Variants in CCDC85C observed in about 807,000 individuals in gnomAD.
The protein encoded by CCDC85C is coiled-coil domain-containing protein 85C.
In CCDC85C, 18 loss-of-function variants were observed where a neutral mutation model predicts 38.3. The observed-to-expected ratio is 0.47, with a 90% CI of 0.33 to 0.70. CCDC85C has a LOEUF of 0.70. Among genes scored for constraint, CCDC85C ranks in the 30% least tolerant of loss-of-function variants. The pLI is 0.03. For synonymous variants in CCDC85C, 264 were observed against 293.8 expected, an observed-to-expected ratio of 0.90 and a Z score of 1.04; for missense variants, 566 against 621.2, an observed-to-expected ratio of 0.91 and a Z score of 0.94.
At chr14:99,593,928 C>T (rs2055116061) in intron 1 of CCDC85C, among the ~76,000 whole-genome samples, 1 of 144,634 alleles carries the variant, frequency 6.9e-6, no homozygotes, top group Non-Finnish European at 1.5e-5. Flanking sequence ...CTGGTGAAAG[C>T]CAAAAGGTAT....
intron 1 of CCDC85C, among the ~76,000 whole-genome samples, chr14:99,592,556 A>T (rs903666494): frequency 6.6e-6 from 1 of 152,338 alleles, no homozygotes; most frequent in South Asian, 2.1e-4. Flanking sequence ...AGACAATCCC[A>T]GGGGGAAATC....
chr14:99,586,828 C>A lies in CCDC85C; in HGVS notation c.793+16339G>T, dbSNP rs373809574. 1.8e-4 allele frequency among the ~76,000 whole-genome samples: 28 copies of A among 152,256 alleles called. No individual in the cohort carries two copies. In the East Asian group the frequency reaches 4.1e-3, roughly 22 times the overall value. On this transcript the variant is annotated intron_variant, in intron 1 of 5. Coordinates refer to ENST00000380243, the MANE Select transcript of CCDC85C (RefSeq NM_001144995.2). ...CCACCCTATGCCTGCCACTGTCCAT[C>A]AAGGCCCCCCGGCCAGAGGAAAGCC...
intron 1 of CCDC85C, among the ~76,000 whole-genome samples, chr14:99,560,311 C>T (rs1318473877): frequency 6.6e-6 from 1 of 152,220 alleles, no homozygotes; most frequent in African/African-American, 2.4e-5. Flanking sequence ...GTGGGAGGGT[C>T]TGGGCCGGGA....
intron 1 of CCDC85C, among the ~76,000 whole-genome samples, chr14:99,567,249 CA>C (rs1898233615): frequency 6.6e-6 from 1 of 152,180 alleles, no homozygotes; most frequent in Non-Finnish European, 1.5e-5. Flanking sequence ...TCGCTCCAGC[CA>C]GGCACGGTCT....
chr14:99,533,895 G>T lies in CCDC85C; in HGVS notation c.867+2120C>A, dbSNP rs751126562. 6.6e-6 allele frequency among the ~76,000 whole-genome samples: 1 copy of T among 152,260 alleles called. No individual in the cohort carries two copies. Among genetic ancestry groups the T allele is most frequent in the Non-Finnish European group, 1.5e-5 (1 of 68,044 alleles). On this transcript the variant is annotated intron_variant, in intron 2 of 5. Coordinates refer to ENST00000380243, the MANE Select transcript of CCDC85C (RefSeq NM_001144995.2). The surrounding 1 kb of genome is among the most constrained non-coding windows in gnomAD (Gnocchi z 4.2). ...AAGAAGGGCTGCTCCTCCACAGCCC[G>T]CTTGGGCGCAGGTTTTCTGCAAGTC...
At position 99,564,441 on chromosome 14, in the gene CCDC85C, G is replaced by A. The variant is rs151082600; in HGVS notation, c.794-28353C>T. On this transcript the variant is annotated intron_variant, in intron 1 of 5. Coordinates refer to ENST00000380243, the MANE Select transcript of CCDC85C (RefSeq NM_001144995.2). Reference sequence around the variant, plus strand: ...TTAGGGTTTTGGTCAGCAGGAGCACGTCCGCACTTTTCTGAAGCCTCCTCC... The same window carrying A: ...TTAGGGTTTTGGTCAGCAGGAGCACATCCGCACTTTTCTGAAGCCTCCTCC... Among the ~76,000 whole-genome samples the A allele has an allele frequency of 1.0e-3, 158 of 152,338 alleles. 1 individual carries two copies. The highest frequency in any genetic ancestry group is 3.6e-3 in the African/African-American group (148 of 41,588).
chr14:99,559,935 A>T (rs1444797421), intron 1 of CCDC85C, among the ~76,000 whole-genome samples: 3 of 151,948 alleles, frequency 2.0e-5, no homozygotes, highest in Non-Finnish European at 4.4e-5. Context: ...ACTGGGTTGC[A>T]TGGGTCTGGG....
intron 2 of CCDC85C, among the ~76,000 whole-genome samples, chr14:99,527,111 G>T (rs1196421182): frequency 6.6e-6 from 1 of 152,250 alleles, no homozygotes; most frequent in African/African-American, 2.4e-5. Context: ...CACGGGAACT[G>T]CACCAGAGTT....
rs371886834 is a variant in CCDC85C, at chr14:99,570,522, C to T, written c.793+32645G>A. Among the ~76,000 whole-genome samples the T allele has an allele frequency of 2.9e-3, 448 of 152,188 alleles. 1 individual carries two copies. The highest frequency in any genetic ancestry group is 9.9e-3 in the African/African-American group (410 of 41,532). ...AGGCAGAGCCCAGACGGCAGGGGCT[C>T]GGGGCTGGGCCTCGGATGCTTCTTT... On this transcript the variant is annotated intron_variant, in intron 1 of 5. Coordinates refer to ENST00000380243, the MANE Select transcript of CCDC85C (RefSeq NM_001144995.2).
intron 1 of CCDC85C, among the ~76,000 whole-genome samples, chr14:99,564,922 G>A (rs1898185758): frequency 6.6e-6 from 1 of 152,222 alleles, no homozygotes; most frequent in South Asian, 2.1e-4. Context: ...ACTGGAGAAC[G>A]TGCACTCGTC....
rs1359888397 is a variant in CCDC85C at position 99,572,231 on chromosome 14, T to TG, written c.793+30935dup. Among the ~76,000 whole-genome samples the TG allele has an allele frequency of 1.3e-5, 2 of 152,154 alleles. No individual in the cohort carries two copies. Among genetic ancestry groups the TG allele is most frequent in the Admixed American group, 6.5e-5 (1 of 15,290 alleles). Reference sequence around the variant, plus strand: ...CCCTGGCCCCAGCAGCGTTAGTGAATGGCCAGGCTGTGGCCCTCCCCGAGA... The same window carrying TG: ...CCCTGGCCCCAGCAGCGTTAGTGAATGGGCCAGGCTGTGGCCCTCCCCGAGA... On this transcript the variant is annotated intron_variant, in intron 1 of 5. Transcript: ENST00000380243. The surrounding 1 kb of genome is among the most constrained non-coding windows in gnomAD (Gnocchi z 4.4).
chr14:99,581,580 C>G (rs1351495906), intron 1 of CCDC85C, among the ~76,000 whole-genome samples: 1 of 152,252 alleles, frequency 6.6e-6, no homozygotes, highest in Non-Finnish European at 1.5e-5. Flanking sequence ...GGCCACCGCA[C>G]AATCGCTCCC....
At chr14:99,538,981 G>A (rs1428736760) in intron 1 of CCDC85C, among the ~76,000 whole-genome samples, 1 of 152,150 alleles carries the variant, frequency 6.6e-6, no homozygotes, top group Non-Finnish European at 1.5e-5. Flanking sequence ...CACACCCACG[G>A]CCCCAGACCA....
intron 1 of CCDC85C, among the ~76,000 whole-genome samples, chr14:99,593,176 T>G (rs1290648943): frequency 2.0e-5 from 3 of 152,200 alleles, no homozygotes; most frequent in Non-Finnish European, 2.9e-5. Context: ...ATCGGGCCCT[T>G]GTGGCGGGCG....
At chr14:99,596,333 T>C (rs2055142842) in intron 1 of CCDC85C, among the ~76,000 whole-genome samples, 1 of 152,206 alleles carries the variant, frequency 6.6e-6, no homozygotes, top group African/African-American at 2.4e-5. Context: ...AATGGCAGAA[T>C]GTCTCTGCCG....
intron 1 of CCDC85C, among the ~76,000 whole-genome samples, chr14:99,584,989 G>A (rs903662492): frequency 1.7e-4 from 26 of 152,306 alleles, no homozygotes; most frequent in African/African-American, 6.3e-4. Context: ...CAGATACTTG[G>A]GAGGCTGAGG....
rs766564982 is a variant in CCDC85C, at chr14:99,507,557, G to A, written c.*7689C>T. ...CTCCAGCCTGGGTGAGAGGGAGACCGTGTCTCAAAGTTCTGATTTTGACCA... is the reference window on the plus strand; with the variant it reads ...CTCCAGCCTGGGTGAGAGGGAGACCATGTCTCAAAGTTCTGATTTTGACCA... On this transcript the variant is annotated 3_prime_UTR_variant, in exon 6 of 6. Coordinates refer to ENST00000380243, the MANE Select transcript of CCDC85C (RefSeq NM_001144995.2). 6 of 170,274 alleles carry A rather than the reference G, an allele frequency of 3.5e-5. No homozygotes were observed. Among genetic ancestry groups the A allele is most frequent in the Non-Finnish European group, 6.3e-5 (5 of 78,828 alleles). 10.5% of individuals were successfully genotyped at this position (170,274 alleles called of 1,614,324 possible).
At position 99,507,222 on chromosome 14, in the gene CCDC85C, C is replaced by T; in HGVS notation, c.*8024G>A. 1.1e-6 allele frequency: 1 copy of T among 914,658 alleles called. No individual in the cohort carries two copies. The highest frequency in any genetic ancestry group is 1.3e-5 in the South Asian group (1 of 76,682). The allele number at this position is 914,658 out of a possible 1,614,324, so 56.7% of individuals were successfully genotyped here. On this transcript the variant is annotated 3_prime_UTR_variant, in exon 6 of 6. Coordinates refer to ENST00000380243, the MANE Select transcript of CCDC85C (RefSeq NM_001144995.2). ...TGTTGGACGCAGCAGGTCCTGGGAA[C>T]TTAGAAAAGGGAGACTGGGGCCCAG...
In CCDC85C at chr14:99,569,410, C is replaced by A. The variant is rs1437217065; in HGVS notation, c.794-33322G>T. Reference sequence around the variant, plus strand: ...CAAAGGGTTCCCTGGATGTCCACACCTGGGCCCCAGCTCCGCCAGGCTGCC... The same window carrying A: ...CAAAGGGTTCCCTGGATGTCCACACATGGGCCCCAGCTCCGCCAGGCTGCC... On this transcript the variant is annotated intron_variant, in intron 1 of 5. Transcript: ENST00000380243. This position sits in a 1 kb window ranked among gnomAD's most constrained non-coding sequence, Gnocchi z 4.3. Among the ~76,000 whole-genome samples the A allele has an allele frequency of 6.6e-6, 1 of 152,198 alleles. No homozygotes were observed. Among genetic ancestry groups the A allele is most frequent in the African/African-American group, 2.4e-5 (1 of 41,448 alleles).
Sources: allele counts gnomAD v4.1 joint callset (sites outside exome capture counted in the v4.1 genomes callset), GRCh38; gene constraint gnomAD v4.1.1; non-coding constraint Gnocchi (gnomAD v3.1); transcripts MANE v1.5; gene names NCBI Gene and HGNC (gene_info 2026-07-23, HGNC 2026-07-21).